The following CACNA1D variants were observed in gnomAD, a reference collection of about 807,000 sequenced individuals.
The protein encoded by CACNA1D is voltage-dependent L-type calcium channel subunit alpha-1D.
In CACNA1D, 55 loss-of-function variants were observed where a neutral mutation model predicts 257.1. That is an observed-to-expected ratio of 0.21 (90% CI 0.17 to 0.27). CACNA1D has a LOEUF of 0.27. Ranked by LOEUF, CACNA1D falls within the 10% of genes least tolerant of loss-of-function variation. The pLI is 1.00. For missense variants in CACNA1D, 1,876 were observed against 2,784.0 expected, an observed-to-expected ratio of 0.67 and a Z score of 7.34; for synonymous variants, 980 against 1,014.9, an observed-to-expected ratio of 0.97 and a Z score of 0.65.
In CACNA1D at chr3:53,789,830, A is replaced by G. The variant is rs971607329; in HGVS notation, c.4923+2878A>G. On this transcript the variant is annotated intron_variant, in intron 40 of 47. Transcript: ENST00000350061. The surrounding 1 kb of genome is among the most constrained non-coding windows in gnomAD (Gnocchi z 4.2). Reference sequence around the variant, plus strand: ...AGGGAATGTTTTTTCAAGGACACATATACGCACTGTGGTTTTGAACCCTGT... The same window carrying G: ...AGGGAATGTTTTTTCAAGGACACATGTACGCACTGTGGTTTTGAACCCTGT... 7.9e-5 allele frequency among the ~76,000 whole-genome samples: 12 copies of G among 152,208 alleles called. No homozygotes were observed. Among genetic ancestry groups the G allele is most frequent in the African/African-American group, 2.9e-4 (12 of 41,448 alleles).
In CACNA1D at chr3:53,801,215, G is replaced by A; in HGVS notation, c.5198G>A (p.Gly1733Glu). The A allele has an allele frequency of 6.2e-7, 1 of 1,614,034 alleles. No individual in the cohort carries two copies. The highest frequency in any genetic ancestry group is 8.5e-7 in the Non-Finnish European group (1 of 1,179,992). ...GAGAAACCGCTGTTTCCTCCAGCAG[G>A]AAATTCGGTGTGTCATAACCATCAT... Reference protein sequence around the residue: ...DTEKPLFPPAGNSVCHNHHNH... With the variant: ...DTEKPLFPPAENSVCHNHHNH... The change falls in exon 42 of 48, where the codon GGA (glycine) becomes GAA (glutamate). Residue 1733 changes from glycine to glutamate, a missense_variant. Gly to Glu is a moderately conservative substitution (Grantham distance 98). Transcript: ENST00000350061.
intron 3 of CACNA1D, among the ~76,000 whole-genome samples, chr3:53,571,964 G>A (rs998321238): frequency 2.0e-5 from 3 of 152,162 alleles, no homozygotes; most frequent in African/African-American, 7.2e-5. Flanking sequence ...AACATTCTCT[G>A]GAAGTGCCTT....
intron 3 of CACNA1D, among the ~76,000 whole-genome samples, chr3:53,637,039 C>CT (rs199713851): frequency 0.06 from 9,156 of 151,508 alleles, 885 homozygotes; most frequent in African/African-American, 0.21. Flanking sequence ...TTTCCTCGCT[C>CT]TTTTTTTTTC....
intron 44 of CACNA1D, among the ~76,000 whole-genome samples, chr3:53,804,548 G>A (rs1343033320): frequency 1.3e-5 from 2 of 152,122 alleles, no homozygotes; most frequent in East Asian, 3.9e-4. Context: ...TTCCAGCACT[G>A]GCCCTTTCCA....
In CACNA1D at chr3:53,554,685, T is replaced by G. The variant is rs541147932; in HGVS notation, c.483+52965T>G. 1.4e-4 allele frequency among the ~76,000 whole-genome samples: 21 copies of G among 152,382 alleles called. No homozygotes were observed. In the South Asian group the frequency reaches 4.3e-3, roughly 32 times the overall value. On this transcript the variant is annotated intron_variant, in intron 3 of 47. Coordinates refer to ENST00000350061, the MANE Select transcript of CACNA1D (RefSeq NM_001128840.3). Reference sequence around the variant, plus strand: ...TTGTTCCCTCTCCCATAGCACAGTTTATGTGGCTTTTGCTGCGTGAGGTTA... The same window carrying G: ...TTGTTCCCTCTCCCATAGCACAGTTGATGTGGCTTTTGCTGCGTGAGGTTA...
At chr3:53,801,946 T>C (rs183975034) in intron 42 of CACNA1D, among the ~76,000 whole-genome samples, 21 of 152,380 alleles carry the variant, frequency 1.4e-4, no homozygotes, top group Admixed American at 1.2e-3. Flanking sequence ...TTCTTTTTTA[T>C]GTTTTTCAAT....
At chr3:53,669,257 C>T (rs576527501) in intron 7 of CACNA1D, among the ~76,000 whole-genome samples, 3 of 152,392 alleles carry the variant, frequency 2.0e-5, no homozygotes, top group South Asian at 4.1e-4. Flanking sequence ...GAAGCCACAC[C>T]GCTGTGATAC....
chr3:53,673,696 C>T lies in CACNA1D; in HGVS notation c.1220+570C>T, dbSNP rs1421892859. 1 of 1,558,710 alleles carries T rather than the reference C, an allele frequency of 6.4e-7. No individual in the cohort carries two copies. Among genetic ancestry groups the T allele is most frequent in the Non-Finnish European group, 8.9e-7 (1 of 1,129,358 alleles). ...AGTAAATGGATAACTGATAACTGAT[C>T]TCCTTACATTTTACAGGTAAATGAT... On this transcript the variant is annotated intron_variant, in intron 8 of 47. Coordinates refer to ENST00000350061, the MANE Select transcript of CACNA1D (RefSeq NM_001128840.3). The surrounding 1 kb of genome is among the most constrained non-coding windows in gnomAD (Gnocchi z 4.1).
In CACNA1D at chr3:53,673,459, G is replaced by A. The variant is rs2094344727; in HGVS notation, c.1220+333G>A. ...TTATTTGTCTGGATCCAAATATAAT[G>A]CAGATTAATTGTTATAAAACGATAG... On this transcript the variant is annotated intron_variant, in intron 8 of 47. Transcript: ENST00000350061. The surrounding 1 kb of genome is among the most constrained non-coding windows in gnomAD (Gnocchi z 4.1). Among the ~76,000 whole-genome samples the A allele has an allele frequency of 6.6e-6, 1 of 151,762 alleles. No homozygotes were observed. Among genetic ancestry groups the A allele is most frequent in the Non-Finnish European group, 1.5e-5 (1 of 67,996 alleles).
chr3:53,710,472 G>T (rs183736607), intron 9 of CACNA1D: 6 of 456,770 alleles, frequency 1.3e-5, no homozygotes, highest in African/African-American at 1.2e-4. Flanking sequence ...CAGGGCTAAA[G>T]ATCATGGTAA....
In CACNA1D at chr3:53,776,863, A is replaced by G. The variant is rs746446017; in HGVS notation, c.4494A>G (p.Gly1498=). 5.0e-6 allele frequency: 8 copies of G among 1,613,812 alleles called. No homozygotes were observed. In the East Asian group the frequency reaches 1.8e-4, roughly 36 times the overall value. Reference sequence around the variant, plus strand: ...TTAGATTGTATTTTACTTCCAGGGGAAGGATAAAACACCTTGATGTGGTCA... The same window carrying G: ...TTAGATTGTATTTTACTTCCAGGGGGAGGATAAAACACCTTGATGTGGTCA... ...IWSEYDPEAK[G]RIKHLDVVTL... Residue 1498 remains glycine, a synonymous_variant, in exon 37 of 48, where the codon GGA becomes GGG. Coordinates refer to ENST00000350061, the MANE Select transcript of CACNA1D (RefSeq NM_001128840.3).
intron 3 of CACNA1D, among the ~76,000 whole-genome samples, chr3:53,503,996 T>C (rs1575689147): frequency 1.3e-5 from 2 of 152,158 alleles, no homozygotes; most frequent in East Asian, 3.9e-4. Flanking sequence ...TGGATTTCCT[T>C]CTGACTCTAA....
intron 3 of CACNA1D, among the ~76,000 whole-genome samples, chr3:53,567,759 C>G (rs1378615627): frequency 6.6e-6 from 1 of 152,204 alleles, no homozygotes; most frequent in East Asian, 1.9e-4. Context: ...ATTGCTTAAT[C>G]TCTGTGTAGT....
intron 3 of CACNA1D, among the ~76,000 whole-genome samples, chr3:53,534,794 T>C (rs905795404): frequency 7.2e-5 from 11 of 152,258 alleles, no homozygotes; most frequent in African/African-American, 2.4e-4. Flanking sequence ...AATATCAATA[T>C]GTCTTTTCAT....
At chr3:53,761,661 C>G (rs951683247) in intron 29 of CACNA1D, among the ~76,000 whole-genome samples, 3 of 152,174 alleles carry the variant, frequency 2.0e-5, no homozygotes, top group African/African-American at 7.2e-5. Context: ...GGGATCATCC[C>G]TCTGGGTACC....
intron 3 of CACNA1D, among the ~76,000 whole-genome samples, chr3:53,588,225 G>T (rs771136475): frequency 6.6e-6 from 1 of 152,144 alleles, no homozygotes; most frequent in Non-Finnish European, 1.5e-5. Context: ...TGTCCTCCTC[G>T]GATTTCAAGG....
intron 8 of CACNA1D, among the ~76,000 whole-genome samples, chr3:53,690,432 C>G (rs1270883749): frequency 6.6e-6 from 1 of 152,202 alleles, no homozygotes; most frequent in Non-Finnish European, 1.5e-5. Flanking sequence ...CTCATTTGAG[C>G]TCAGGTGGTC....
intron 29 of CACNA1D, among the ~76,000 whole-genome samples, chr3:53,758,162 A>C (rs567251515): frequency 2.6e-4 from 39 of 152,286 alleles, no homozygotes; most frequent in Non-Finnish European, 5.3e-4. Context: ...AGAGTGGAGC[A>C]CATCTTCCCT....
At chr3:53,770,078 C>G (rs1177330179) in intron 31 of CACNA1D, 61 bp downstream of exon 31, 2 of 1,350,172 alleles carry the variant, frequency 1.5e-6, no homozygotes. Flanking sequence ...TTGACCATGT[C>G]GAGTTTTCCA....
Sources: allele counts gnomAD v4.1 joint callset (sites outside exome capture counted in the v4.1 genomes callset), GRCh38; gene constraint gnomAD v4.1.1; non-coding constraint Gnocchi (gnomAD v3.1); transcripts MANE v1.5; gene names NCBI Gene and HGNC (gene_info 2026-07-23, HGNC 2026-07-21).